CHL1: variants seen among roughly 807,000 people sequenced by gnomAD.
The protein encoded by CHL1 is cell adhesion molecule L1 like.
Under a neutral mutation model 141.9 loss-of-function variants are expected in CHL1, and 96 were observed. The ratio of observed to expected loss-of-function variants is 0.68; its 90% confidence interval spans 0.57 to 0.80. The LOEUF is 0.80. Among genes scored for constraint, CHL1 ranks in the 30% least tolerant of loss-of-function variants. The pLI, the probability that CHL1 is intolerant of heterozygous loss-of-function variation, is 0.00. For synonymous variants in CHL1, 613 were observed against 502.2 expected (o/e 1.22, Z -2.95); for missense variants, 1,820 against 1,457.2 (o/e 1.25, Z -4.05).
intron 5 of CHL1, among the ~76,000 whole-genome samples, chr3:339,799 C>A (rs1451956296): frequency 1.3e-5 from 2 of 152,072 alleles, no homozygotes; most frequent in African/African-American, 4.8e-5. Context: ...AATGAGTAAA[C>A]CTTTATATTT....
chr3:317,688 G>T (rs1216416956), intron 2 of CHL1, among the ~76,000 whole-genome samples: 1 of 149,670 alleles, frequency 6.7e-6, no homozygotes, highest in Admixed American at 6.7e-5. Flanking sequence ...AAAATTCGAA[G>T]GGGCAGGGCA....
chr3:235,878 G>A (rs1449658805), intron 1 of CHL1, among the ~76,000 whole-genome samples: 1 of 152,138 alleles, frequency 6.6e-6, no homozygotes, highest in African/African-American at 2.4e-5. Context: ...AGATGCCTCT[G>A]CCGTCATACT....
chr3:235,672 A>G (rs1167857794), intron 1 of CHL1, among the ~76,000 whole-genome samples: 2 of 152,204 alleles, frequency 1.3e-5, no homozygotes, highest in African/African-American at 4.8e-5. Flanking sequence ...ATGGCCTTCT[A>G]CTTCCAGGGG....
chr3:351,299 G>A (rs889279369), intron 10 of CHL1, among the ~76,000 whole-genome samples: 6 of 152,158 alleles, frequency 3.9e-5, no homozygotes, highest in Non-Finnish European at 8.8e-5. Flanking sequence ...ACAGCTATTA[G>A]CACTATTGAG....
intron 1 of CHL1, among the ~76,000 whole-genome samples, chr3:206,726 G>A (rs773334448): frequency 1.7e-4 from 26 of 152,122 alleles, no homozygotes; most frequent in Non-Finnish European, 3.2e-4. Flanking sequence ...TCATATAAGC[G>A]TCTAATGGTC....
chr3:365,907 G>A (rs1038637180), intron 14 of CHL1, 43 bp from the exon 15 acceptor site: 6 of 1,535,674 alleles, frequency 3.9e-6, no homozygotes, highest in East Asian at 4.5e-5. Context: ...AACAAAGTAA[G>A]TTACGCTTAG....
intron 1 of CHL1, among the ~76,000 whole-genome samples, chr3:239,052 G>A (rs749204251): frequency 1.3e-5 from 2 of 151,890 alleles, no homozygotes; most frequent in Non-Finnish European, 2.9e-5. Context: ...GCTACCACGT[G>A]GGGTACTGTG....
intron 13 of CHL1, among the ~76,000 whole-genome samples, chr3:362,586 G>C (rs542807102): frequency 6.6e-5 from 10 of 151,708 alleles, no homozygotes; most frequent in African/African-American, 1.9e-4. Flanking sequence ...TCCCTGTCCT[G>C]TATGATCCTA....
At chr3:332,550 A>G (rs1701523778) in intron 5 of CHL1, among the ~76,000 whole-genome samples, 1 of 152,108 alleles carries the variant, frequency 6.6e-6, no homozygotes, top group Non-Finnish European at 1.5e-5. Context: ...TATTCTATAA[A>G]CAATTGTTTT....
chr3:228,528 C>G (rs1250223876), intron 1 of CHL1, among the ~76,000 whole-genome samples: 1 of 152,072 alleles, frequency 6.6e-6, no homozygotes, highest in African/African-American at 2.4e-5. Context: ...TCTCAAATGA[C>G]TACACTTAGG....
intron 2 of CHL1, among the ~76,000 whole-genome samples, chr3:301,830 C>T (rs1157076499): frequency 2.0e-5 from 3 of 152,134 alleles, no homozygotes; most frequent in Non-Finnish European, 2.9e-5. Flanking sequence ...ATACACATGC[C>T]GTGGTGGTTT....
At chr3:403,185 G>A (rs1484270724) in intron 27 of CHL1, among the ~76,000 whole-genome samples, 1 of 152,102 alleles carries the variant, frequency 6.6e-6, no homozygotes, top group Non-Finnish European at 1.5e-5. Context: ...TCCATACCAC[G>A]TAGATATCTC....
chr3:255,890 A>G (rs1694111536), intron 2 of CHL1, among the ~76,000 whole-genome samples: 1 of 152,182 alleles, frequency 6.6e-6, no homozygotes, highest in Non-Finnish European at 1.5e-5. Context: ...CTGTAAGACA[A>G]CTAGGGTTGT....
At chr3:224,164 G>A (rs185389533) in intron 1 of CHL1, among the ~76,000 whole-genome samples, 48 of 152,236 alleles carry the variant, frequency 3.2e-4, no homozygotes, top group Middle Eastern at 3.4e-3. Context: ...TTTTACAAAG[G>A]TGGTTTTGGT....
At chr3:274,588 T>C (rs1695922857) in intron 2 of CHL1, among the ~76,000 whole-genome samples, 1 of 152,204 alleles carries the variant, frequency 6.6e-6, no homozygotes, top group Non-Finnish European at 1.5e-5. Flanking sequence ...GTTTGGTTTA[T>C]TTTTTTACTC....
chr3:377,460 A>G (rs3773377), intron 15 of CHL1, among the ~76,000 whole-genome samples: 90,846 of 151,958 alleles, frequency 0.6, 27,354 homozygotes, highest in African/African-American at 0.64. Context: ...TATATAGGTG[A>G]TTCCCTAAAC....
rs1315093321 is a variant in CHL1 at position 407,139 on chromosome 3, C to G, written c.*1428C>G. Reference sequence around the variant, plus strand: ...TGGAGGATGATGCATACATGTCGGTCAAGTTCAGCGCTCGACATTTTATGG... The same window carrying G: ...TGGAGGATGATGCATACATGTCGGTGAAGTTCAGCGCTCGACATTTTATGG... On this transcript the variant is annotated 3_prime_UTR_variant, in exon 28 of 28. Coordinates refer to ENST00000256509, the MANE Select transcript of CHL1 (RefSeq NM_006614.4). The G allele has an allele frequency of 2.6e-5, 4 of 152,190 alleles. No individual in the cohort carries two copies. In the East Asian group the frequency reaches 5.8e-4, roughly 22 times the overall value. The allele number at this position is 152,190 out of a possible 1,614,324, so 9.4% of individuals were successfully genotyped here.
At chr3:346,030 A>G (rs1003299487) in intron 9 of CHL1, among the ~76,000 whole-genome samples, 2 of 152,216 alleles carry the variant, frequency 1.3e-5, no homozygotes, top group Non-Finnish European at 2.9e-5. Context: ...CTCATTTGAA[A>G]TATAATCTGT....
At chr3:345,101 C>T (rs896829696) in intron 9 of CHL1, among the ~76,000 whole-genome samples, 1 of 152,298 alleles carries the variant, frequency 6.6e-6, no homozygotes, top group Admixed American at 6.5e-5. Context: ...CAGGCAGTAA[C>T]AGGCTCATAA....
Sources: allele counts gnomAD v4.1 joint callset (sites outside exome capture counted in the v4.1 genomes callset), GRCh38; gene constraint gnomAD v4.1.1; transcripts MANE v1.5; gene names NCBI Gene and HGNC (gene_info 2026-07-23, HGNC 2026-07-21).